COL5A1: variants seen among roughly 807,000 people sequenced by gnomAD.
COL5A1 encodes collagen alpha-1(V) chain.
Under a neutral mutation model 263.7 loss-of-function variants are expected in COL5A1, and 16 were observed. That is an observed-to-expected ratio of 0.06 (90% CI 0.04 to 0.09). The LOEUF (loss-of-function observed/expected upper bound fraction) is 0.09, where lower values mean the gene tolerates loss of function less well. COL5A1 is among the 10% of genes least tolerant of loss of function. The pLI, the probability that COL5A1 is intolerant of heterozygous loss-of-function variation, is 1.00. For synonymous variants in COL5A1, 1,012 were observed against 1,004.5 expected, an observed-to-expected ratio of 1.01 and a Z score of -0.14; for missense variants, 2,036 against 2,540.5, an observed-to-expected ratio of 0.80 and a Z score of 4.27.
Position 134,818,932 on chromosome 9 carries a change from G to A in COL5A1, c.4392+31G>A, listed in dbSNP as rs375435404. 43 of 1,612,978 alleles carry A rather than the reference G, an allele frequency of 2.7e-5. No homozygotes were observed. The African/African-American group carries it at 3.1e-4, about 12-fold the overall frequency. ...TCACATTCCTCATGGTGAGCATAGCGGGTGGGATGACTTCGCCACCCAAAG... is the reference window on the plus strand; with the variant it reads ...TCACATTCCTCATGGTGAGCATAGCAGGTGGGATGACTTCGCCACCCAAAG... On this transcript the variant is annotated intron_variant, in intron 56 of 65. Coordinates refer to ENST00000371817, the MANE Select transcript of COL5A1 (RefSeq NM_000093.5). The surrounding 1 kb of genome is among the most constrained non-coding windows in gnomAD (Gnocchi z 6.0).
chr9:134,831,207 C>T (rs1292185112), intron 64 of COL5A1, among the ~76,000 whole-genome samples: 2 of 152,252 alleles, frequency 1.3e-5, no homozygotes, highest in African/African-American at 4.8e-5. Context: ...GCCCTGTCTG[C>T]ACCTCTGAAG....
rs915013484 is a variant in COL5A1, at chr9:134,686,503, C to T, written c.110-4409C>T. 3.3e-5 allele frequency among the ~76,000 whole-genome samples: 5 copies of T among 152,172 alleles called. No homozygotes were observed. The highest frequency in any genetic ancestry group is 3.9e-4 in the East Asian group (2 of 5,180). ...CCGAGCTCAAGCCATCTGCCTGCCT[C>T]GGCCTCCCAAAGTGCTGGGATTCCA... On this transcript the variant is annotated intron_variant, in intron 1 of 65. Coordinates refer to ENST00000371817, the MANE Select transcript of COL5A1 (RefSeq NM_000093.5). This position sits in a 1 kb window ranked among gnomAD's most constrained non-coding sequence, Gnocchi z 4.6.
At chr9:134,772,662 GCT>G (rs1836902478) in intron 25 of COL5A1, 126 bp from the exon 26 acceptor site, 2 of 1,043,896 alleles carry the variant, frequency 1.9e-6, no homozygotes, top group African/African-American at 1.6e-5. Context: ...GACTTCTGGT[GCT>G]CTCAGTTTTC....
In COL5A1 at chr9:134,671,890, G is replaced by A. The variant is rs144525789; in HGVS notation, c.110-19022G>A. Among the ~76,000 whole-genome samples the A allele has an allele frequency of 3.1e-3, 471 of 152,332 alleles. 2 individuals carry two copies. Among genetic ancestry groups the A allele is most frequent in the African/African-American group, 0.011 (444 of 41,582 alleles). ...GGAAGAACAATGAGCCAACAGGCGC[G>A]TTTGTCTTTTGTCCACATTCCACAG... On this transcript the variant is annotated intron_variant, in intron 1 of 65. Transcript: ENST00000371817.
intron 46 of COL5A1, 75 bp downstream of exon 46, chr9:134,811,674 CTT>C (rs1838531794): frequency 7.9e-7 from 1 of 1,267,512 alleles, no homozygotes; most frequent in Non-Finnish European, 1.1e-6. Flanking sequence ...GCTCTCTCCT[CTT>C]GTCTTTTTAA....
At chr9:134,753,287 G>T (rs187327835) in intron 14 of COL5A1, among the ~76,000 whole-genome samples, 417 of 152,312 alleles carry the variant, frequency 2.7e-3, no homozygotes, top group Non-Finnish European at 4.5e-3. Flanking sequence ...TACAGTGTGT[G>T]CCCAGGGAGA....
Position 134,642,337 on chromosome 9 carries a change from G to A in COL5A1, c.109+41G>A. ...GGCGCGGGGCTGCGGGATGGGGCGC[G>A]CGCAGCCCGGGCGCCGCTGTCATCC... is the stretch of plus-strand genomic sequence containing the variant. On this transcript the variant is annotated intron_variant, in intron 1 of 65. Coordinates refer to ENST00000371817, the MANE Select transcript of COL5A1 (RefSeq NM_000093.5). The surrounding 1 kb of genome is among the most constrained non-coding windows in gnomAD (Gnocchi z 4.5). 1 of 540,552 alleles carries A rather than the reference G, an allele frequency of 1.8e-6. No individual in the cohort carries two copies. The highest frequency in any genetic ancestry group is 2.6e-6 in the Non-Finnish European group (1 of 386,338). The allele number at this position is 540,552 out of a possible 1,614,324, so 33.5% of individuals were successfully genotyped here.
intron 42 of COL5A1, among the ~76,000 whole-genome samples, chr9:134,808,011 C>T (rs1212238502): frequency 6.6e-6 from 1 of 152,196 alleles, no homozygotes; most frequent in African/African-American, 2.4e-5. Context: ...GAACTCCCGA[C>T]CTGACCAGGA....
Position 134,763,718 on chromosome 9 carries a change from G to T in COL5A1, c.2015G>T (p.Arg672Met), listed in dbSNP as rs1344264716. The T allele has an allele frequency of 1.9e-6, 3 of 1,613,414 alleles. No individual in the cohort carries two copies. The highest frequency in any genetic ancestry group is 1.1e-5 in the South Asian group (1 of 91,024). Residue 672 changes from arginine to methionine, a missense_variant, in exon 20 of 66, where the codon AGG becomes ATG. Physicochemically the swap from Arg to Met is moderately conservative, Grantham distance 91. Transcript: ENST00000371817. ...GGTGACGACGGAGAAGTTGGGCCCA[G>T]GGGGCTGCCTGGGGAGCCCGTAAGT... ...ERGDDGEVGP[R>M]GLPGEPGPRG...
chr9:134,725,814 ATTC>A (rs1262894066), intron 4 of COL5A1, among the ~76,000 whole-genome samples: 2 of 152,196 alleles, frequency 1.3e-5, no homozygotes, highest in Non-Finnish European at 2.9e-5. Flanking sequence ...ATGATATTCC[ATTC>A]TATGCATATA....
At chr9:134,811,281 CCCTCA>C (rs1300512353) in intron 44 of COL5A1, 53 bp from the exon 45 acceptor site, 71 of 1,521,834 alleles carry the variant, frequency 4.7e-5, no homozygotes, top group Admixed American at 1.5e-4. Context: ...GTCCACCCCT[CCCTCA>C]GCCTTATCCA....
rs576764091 is a variant in COL5A1, at chr9:134,757,879, C to G, written c.1882-364C>G. Among the ~76,000 whole-genome samples the G allele has an allele frequency of 6.6e-6, 1 of 152,140 alleles. No homozygotes were observed. The highest frequency in any genetic ancestry group is 2.4e-5 in the African/African-American group (1 of 41,424). ...TGGATACAGCTGTGAGCGGACACAC[C>G]GGGACCCTGCTCTCCTGGAGCCTCC... On this transcript the variant is annotated intron_variant, in intron 17 of 65. Transcript: ENST00000371817. The surrounding 1 kb of genome is among the most constrained non-coding windows in gnomAD (Gnocchi z 6.2).
In COL5A1 at chr9:134,729,405, G is replaced by A. The variant is rs930249946; in HGVS notation, c.924+598G>A. Among the ~76,000 whole-genome samples the A allele has an allele frequency of 3.9e-5, 6 of 152,206 alleles. No homozygotes were observed. The East Asian group carries it at 5.8e-4, about 15-fold the overall frequency. ...GTCCAGCCTCAGAGCCATTGTCAGA[G>A]GTAAAGAGGGTGGGGTGTGAGCATG... On this transcript the variant is annotated intron_variant, in intron 6 of 65. Transcript: ENST00000371817.
intron 1 of COL5A1, among the ~76,000 whole-genome samples, chr9:134,669,317 C>T (rs1266468774): frequency 7.6e-6 from 1 of 131,994 alleles, no homozygotes; most frequent in African/African-American, 2.9e-5. Flanking sequence ...CTCCCCTTCC[C>T]TTCTCCTTCC....
chr9:134,824,770 G>T lies in COL5A1; in HGVS notation c.4869G>T (p.Glu1623Asp), dbSNP rs763091062. 1.4e-5 allele frequency: 22 copies of T among 1,614,080 alleles called. No individual in the cohort carries two copies. Among genetic ancestry groups the T allele is most frequent in the Non-Finnish European group, 1.9e-5 (22 of 1,180,058 alleles). ...GSLNSLKLEI[E>D]QMKRPLGTQQ... ...TCAACTCTCTGAAGCTGGAGATTGAGCAGATGAAACGGCCCCTGGGCACGC... is the reference window on the plus strand; with the variant it reads ...TCAACTCTCTGAAGCTGGAGATTGATCAGATGAAACGGCCCCTGGGCACGC... The change falls in exon 62 of 66, where the codon GAG becomes GAT. Residue 1623 changes from glutamate (E) to aspartate (D), a missense_variant. By Grantham distance (45) the Glu-to-Asp change is conservative. Transcript: ENST00000371817.
intron 4 of COL5A1, among the ~76,000 whole-genome samples, chr9:134,713,122 G>C (rs370165313): frequency 2.7e-4 from 41 of 152,364 alleles, no homozygotes; most frequent in African/African-American, 8.7e-4. Flanking sequence ...GTTTTCCTGC[G>C]AGCTAGCCAC....
intron 4 of COL5A1, among the ~76,000 whole-genome samples, chr9:134,720,111 A>G (rs887525833): frequency 4.6e-5 from 7 of 152,190 alleles, no homozygotes; most frequent in Non-Finnish European, 8.8e-5. Context: ...AGGAAGGGTC[A>G]GGGCACGGCC....
rs570460311 is a variant in COL5A1 at position 134,821,883 on chromosome 9, G to A, written c.4555-214G>A. On this transcript the variant is annotated intron_variant, in intron 58 of 65. Transcript: ENST00000371817. The surrounding 1 kb of genome is among the most constrained non-coding windows in gnomAD (Gnocchi z 4.2). ...CCCAGCCGGGGGAGCAGTGCCGAGG[G>A]CTGGCAGCCTTGGGGTGGATGCTCA... Among the ~76,000 whole-genome samples, 22 of 152,354 alleles carry A rather than the reference G, an allele frequency of 1.4e-4. No homozygotes were observed. Among genetic ancestry groups the A allele is most frequent in the African/African-American group, 5.1e-4 (21 of 41,584 alleles).
chr9:134,654,231 AG>A (rs1831816330), intron 1 of COL5A1, among the ~76,000 whole-genome samples: 2 of 31,614 alleles, frequency 6.3e-5, no homozygotes, highest in Non-Finnish European at 6.3e-5. Flanking sequence ...GTAGGGCTGG[AG>A]GTGTGTAGGG....
Sources: gnomAD v4.1 joint callset for allele counts (sites outside exome capture counted in the v4.1 genomes callset) on GRCh38, gnomAD v4.1.1 for gene constraint, Gnocchi (gnomAD v3.1) non-coding constraint, MANE v1.5 for transcripts, NCBI Gene and HGNC (gene_info 2026-07-23, HGNC 2026-07-21) for gene names.